RNF125: variants seen among roughly 807,000 people sequenced by gnomAD.
The protein encoded by RNF125 is E3 ubiquitin-protein ligase RNF125.
RNF125 carries 21 observed loss-of-function variants against 26.0 expected under a neutral mutation model. The observed-to-expected ratio is 0.81, with a 90% confidence interval of 0.57 to 1.16. The LOEUF is 1.16. Ranked by LOEUF, RNF125 falls within the 50% of genes most tolerant of loss-of-function variation. The pLI, the probability that RNF125 is intolerant of heterozygous loss-of-function variation, is 0.00. For synonymous variants in RNF125, 95 were observed against 109.2 expected (o/e 0.87, Z 0.81); for missense variants, 270 against 299.4 (o/e 0.90, Z 0.72).
At chr18:32,058,895 A>C (rs2039410890) in intron 4 of RNF125, among the ~76,000 whole-genome samples, 1 of 152,136 alleles carries the variant, frequency 6.6e-6, no homozygotes, top group South Asian at 2.1e-4. Flanking sequence ...TTTCTGTGCT[A>C]GGCTTATTTC....
chr18:32,061,214 C>T (rs1206375777), intron 4 of RNF125, among the ~76,000 whole-genome samples: 2 of 152,104 alleles, frequency 1.3e-5, no homozygotes, highest in Non-Finnish European at 2.9e-5. Flanking sequence ...TTAGTAGAGA[C>T]AGGGTTTCAC....
intron 4 of RNF125, among the ~76,000 whole-genome samples, chr18:32,050,713 T>A (rs889919410): frequency 6.6e-6 from 1 of 152,014 alleles, no homozygotes; most frequent in Admixed American, 6.6e-5. Flanking sequence ...AACAGCATGC[T>A]TTAGACTGAA....
intron 4 of RNF125, among the ~76,000 whole-genome samples, chr18:32,050,122 G>T (rs1180694732): frequency 2.0e-5 from 3 of 152,100 alleles, no homozygotes; most frequent in African/African-American, 7.2e-5. Context: ...GATTTCCTGG[G>T]TAAATGATTC....
intron 4 of RNF125, among the ~76,000 whole-genome samples, chr18:32,063,858 G>A (rs962794266): frequency 3.3e-5 from 5 of 152,050 alleles, no homozygotes; most frequent in Non-Finnish European, 5.9e-5. Context: ...TAAGTTTCTC[G>A]AAATAGTAAT....
intron 4 of RNF125, among the ~76,000 whole-genome samples, chr18:32,056,192 GGAA>G (rs1272658402): frequency 4.0e-5 from 6 of 151,846 alleles, no homozygotes; most frequent in African/African-American, 1.5e-4. Context: ...GGCTCACATA[GGAA>G]GAAGGAGAGA....
At chr18:32,061,928 A>G (rs1200157910) in intron 4 of RNF125, among the ~76,000 whole-genome samples, 1 of 152,222 alleles carries the variant, frequency 6.6e-6, no homozygotes, top group Non-Finnish European at 1.5e-5. Context: ...GGCTGAAATG[A>G]AATCGGAAAC....
chr18:32,044,637 G>A (rs1029373818), intron 3 of RNF125, among the ~76,000 whole-genome samples: 1 of 152,108 alleles, frequency 6.6e-6, no homozygotes, highest in Non-Finnish European at 1.5e-5. Context: ...CTTTAGGAGA[G>A]AAGTGCAATC....
chr18:32,020,200 C>T (rs936081382), intron 1 of RNF125, among the ~76,000 whole-genome samples: 1 of 151,830 alleles, frequency 6.6e-6, no homozygotes, highest in South Asian at 2.1e-4. Context: ...GGCGCCCACC[C>T]CCACACCCGG....
At position 32,056,239 on chromosome 18, in the gene RNF125, A is replaced by G. The variant is rs149028403; in HGVS notation, c.505-9663A>G. On this transcript the variant is annotated intron_variant, in intron 4 of 5. Coordinates refer to ENST00000217740, the MANE Select transcript of RNF125 (RefSeq NM_017831.4). ...ACTTTCTGTAAAGTGAACAGACTTC[A>G]GGTACTGACTCCTCGTAAATCTAGA... is the stretch of plus-strand genomic sequence containing the variant. Among the ~76,000 whole-genome samples, 232 of 152,206 alleles carry G rather than the reference A, an allele frequency of 1.5e-3. 1 individual carries two copies. The highest frequency in any genetic ancestry group is 5.4e-3 in the African/African-American group (224 of 41,530).
At chr18:32,080,841 A>C in the RNF125 span, among the ~76,000 whole-genome samples, 2 of 152,146 alleles carry the variant, frequency 1.3e-5, no homozygotes, top group Non-Finnish European at 2.9e-5. Context: ...GCGCCACTGC[A>C]CTCTAGCCTG....
intron 1 of RNF125, among the ~76,000 whole-genome samples, chr18:32,019,257 C>A (rs1182361023): frequency 6.6e-6 from 1 of 152,168 alleles, no homozygotes; most frequent in Non-Finnish European, 1.5e-5. Flanking sequence ...AGCCCCCTTG[C>A]GCTTTCAGCT....
Position 32,037,269 on chromosome 18 carries a change from G to A in RNF125, c.318G>A (p.Leu106=), listed in dbSNP as rs1297914938. Residue 106 remains leucine, a splice_region_variant and synonymous_variant, in exon 2 of 6, where the codon CTG becomes CTA. Coordinates refer to ENST00000217740, the MANE Select transcript of RNF125 (RefSeq NM_017831.4). ...AGAACTGCGCTGAGTGTGACACCCT[G>A]GTATGTATGTGACCCCACCTATTTT... The part of the protein sequence containing the change: ...EYKNCAECDT[L]VCLSEMRAHI... 6.4e-7 allele frequency: 1 copy of A among 1,554,832 alleles called. No homozygotes were observed. Among genetic ancestry groups the A allele is most frequent in the Non-Finnish European group, 8.7e-7 (1 of 1,155,356 alleles).
chr18:32,022,888 G>T lies in RNF125; in HGVS notation c.164+3861G>T, dbSNP rs187146335. ...GTTATTCCTGTGGGAATATATCAAA[G>T]AAGTACATTTTGGGGTGAAATATTT... On this transcript the variant is annotated intron_variant, in intron 1 of 5. Coordinates refer to ENST00000217740, the MANE Select transcript of RNF125 (RefSeq NM_017831.4). Among the ~76,000 whole-genome samples the T allele has an allele frequency of 5.3e-3, 806 of 152,278 alleles. 2 individuals are homozygous for T. Among genetic ancestry groups the T allele is most frequent in the Non-Finnish European group, 8.1e-3 (553 of 68,016 alleles).
chr18:32,063,227 CA>C (rs34268640), intron 4 of RNF125, among the ~76,000 whole-genome samples: 163 of 98,900 alleles, frequency 1.6e-3, no homozygotes, highest in Middle Eastern at 6.3e-3. Context: ...AACTCCATTT[CA>C]AAAAAAAAAA....
At chr18:32,084,905 T>C in the RNF125 span, among the ~76,000 whole-genome samples, 13 of 152,244 alleles carry the variant, frequency 8.5e-5, no homozygotes, top group Non-Finnish European at 1.8e-4. Context: ...AGTTGAAATG[T>C]AACTGTCTCA....
At chr18:32,050,573 G>A (rs1416621799) in intron 4 of RNF125, among the ~76,000 whole-genome samples, 1 of 151,490 alleles carries the variant, frequency 6.6e-6, no homozygotes, top group African/African-American at 2.4e-5. Context: ...TCCTGGCTTC[G>A]AGCTATCCTC....
intron 4 of RNF125, among the ~76,000 whole-genome samples, chr18:32,060,156 T>A (rs528121567): frequency 6.6e-6 from 1 of 152,336 alleles, no homozygotes. Flanking sequence ...GGAGTCAACA[T>A]GCTCAAGGCC....
intron 2 of RNF125, among the ~76,000 whole-genome samples, chr18:32,038,043 ATTTTT>A (rs35226765): frequency 1.9e-5 from 2 of 103,396 alleles, no homozygotes; most frequent in Admixed American, 1.1e-4. Flanking sequence ...GGTCCGTGCC[ATTTTT>A]TTTTTTTTTT....
intron 3 of RNF125, among the ~76,000 whole-genome samples, chr18:32,045,002 G>A (rs1250976068): frequency 1.3e-5 from 2 of 151,768 alleles, no homozygotes; most frequent in East Asian, 1.9e-4. Context: ...CCTGTGGTCT[G>A]AGCTACTTGG....
Sources: allele counts gnomAD v4.1 joint callset (sites outside exome capture counted in the v4.1 genomes callset), GRCh38; gene constraint gnomAD v4.1.1; transcripts MANE v1.5; gene names NCBI Gene and HGNC (gene_info 2026-07-23, HGNC 2026-07-21).